FGF14: variants seen among roughly 807,000 people sequenced by gnomAD.
The protein encoded by FGF14 is fibroblast growth factor 14, also known as fibroblast growth factor homologous factor 4.
FGF14 carries 5 observed loss-of-function variants against 25.5 expected under a neutral mutation model. The ratio of observed to expected loss-of-function variants is 0.20; its 90% confidence interval spans 0.10 to 0.41. The LOEUF (loss-of-function observed/expected upper bound fraction) is 0.41, where lower values mean the gene tolerates loss of function less well. FGF14 is among the 10% of genes least tolerant of loss of function. The probability of loss-of-function intolerance (pLI) is 1.00; values close to 1 mark genes in which losing one functional copy is unlikely to be tolerated. For synonymous variants in FGF14, 138 were observed against 118.3 expected, an observed-to-expected ratio of 1.17 and a Z score of -1.08; for missense variants, 222 against 320.1, an observed-to-expected ratio of 0.69 and a Z score of 2.34.
intron 1 of FGF14, among the ~76,000 whole-genome samples, chr13:102,135,306 C>T (rs1277601532): frequency 1.3e-5 from 2 of 152,090 alleles, no homozygotes; most frequent in African/African-American, 4.8e-5. Flanking sequence ...AGCATTGTCT[C>T]CTCTTCAAAG....
chr13:101,886,537 C>T (rs2045996782), intron 1 of FGF14, among the ~76,000 whole-genome samples: 1 of 152,110 alleles, frequency 6.6e-6, no homozygotes, highest in South Asian at 2.1e-4. Flanking sequence ...AAAAAATCAA[C>T]TGAAAATGTA....
At chr13:101,963,274 C>T (rs1433471941) in intron 1 of FGF14, among the ~76,000 whole-genome samples, 3 of 152,222 alleles carry the variant, frequency 2.0e-5, no homozygotes, top group Non-Finnish European at 4.4e-5. Context: ...TTAATTCCCC[C>T]ATTTTATTTA....
Position 101,774,968 on chromosome 13 carries a change from T to C in FGF14, c.409-48158A>G, listed in dbSNP as rs1335891896. On this transcript the variant is annotated intron_variant, in intron 3 of 4. Coordinates refer to ENST00000376143, the MANE Select transcript of FGF14 (RefSeq NM_004115.4). ...TGGGCAACACGAATGAAACTCCATC[T>C]CAAAAAAAAAAAAAAAAAAGGATTG... is the stretch of plus-strand genomic sequence containing the variant. Among the ~76,000 whole-genome samples the C allele has an allele frequency of 1.6e-4, 17 of 105,138 alleles. No individual in the cohort carries two copies. The East Asian group carries it at 3.7e-3, about 23-fold the overall frequency. The allele number at this position is 105,138 out of a possible 152,430, so 69.0% of individuals were successfully genotyped here. A position where few individuals can be genotyped will look rare whatever the true frequency, so the allele number is the denominator to read the frequency against.
chr13:101,998,445 G>C (rs997416941), intron 1 of FGF14, among the ~76,000 whole-genome samples: 65 of 152,052 alleles, frequency 4.3e-4, no homozygotes, highest in Non-Finnish European at 6.8e-4. Flanking sequence ...GAGAGAATGG[G>C]GTGCTATTAA....
intron 1 of FGF14, among the ~76,000 whole-genome samples, chr13:102,382,870 C>T (rs1405652929): frequency 2.0e-5 from 3 of 152,014 alleles, no homozygotes; most frequent in African/African-American, 7.2e-5. Context: ...TGAATGATTC[C>T]ATTCTTATGA....
intron 3 of FGF14, among the ~76,000 whole-genome samples, chr13:101,744,422 C>A (rs940450354): frequency 6.6e-6 from 1 of 152,040 alleles, no homozygotes; most frequent in Non-Finnish European, 1.5e-5. Context: ...AATCACTATT[C>A]ATCTTATTTT....
At chr13:102,247,385 G>GA (rs1007290840) in intron 1 of FGF14, among the ~76,000 whole-genome samples, 34 of 149,820 alleles carry the variant, frequency 2.3e-4, no homozygotes, top group African/African-American at 7.1e-4. Flanking sequence ...AAATTTACAA[G>GA]AAAAAAAAAT....
At chr13:102,376,959 G>C (rs1421487375) in intron 1 of FGF14, among the ~76,000 whole-genome samples, 1 of 152,182 alleles carries the variant, frequency 6.6e-6, no homozygotes, top group Non-Finnish European at 1.5e-5. Context: ...AGCCTGCAGT[G>C]AGAAATGCGC....
At chr13:101,848,777 T>C (rs576332775) in intron 3 of FGF14, among the ~76,000 whole-genome samples, 1 of 152,080 alleles carries the variant, frequency 6.6e-6, no homozygotes, top group East Asian at 1.9e-4. Flanking sequence ...TACTGACCCT[T>C]GATGAAGGGT....
chr13:102,042,515 T>C (rs2041791517), intron 1 of FGF14, among the ~76,000 whole-genome samples: 1 of 152,136 alleles, frequency 6.6e-6, no homozygotes, highest in African/African-American at 2.4e-5. Flanking sequence ...TTTTATTCAG[T>C]AATATATCCT....
At chr13:101,815,327 A>C (rs959249421) in intron 3 of FGF14, among the ~76,000 whole-genome samples, 1 of 152,150 alleles carries the variant, frequency 6.6e-6, no homozygotes, top group Non-Finnish European at 1.5e-5. Context: ...TGTTAAGATG[A>C]AAGGCTTACT....
chr13:101,848,746 C>T (rs544381826), intron 3 of FGF14, among the ~76,000 whole-genome samples: 91 of 151,902 alleles, frequency 6.0e-4, no homozygotes, highest in Non-Finnish European at 1.0e-3. Context: ...TATTTGTAAA[C>T]GTGGCAAAAC....
At chr13:101,809,892 C>T (rs1232966836) in intron 3 of FGF14, among the ~76,000 whole-genome samples, 1 of 151,826 alleles carries the variant, frequency 6.6e-6, no homozygotes, top group African/African-American at 2.4e-5. Flanking sequence ...GAGGAAGAGA[C>T]CCCCCAAGGT....
rs560818607 is a variant in FGF14 at position 101,945,606 on chromosome 13, C to T, written c.209-70310G>A. ...AACTCTTGTGTCTGCTACTGCCCTC[C>T]CATGGTCACCCCATATTACAAACAC... On this transcript the variant is annotated intron_variant, in intron 1 of 4. Transcript: ENST00000376131. 2.0e-5 allele frequency among the ~76,000 whole-genome samples: 3 copies of T among 152,234 alleles called. No individual in the cohort carries two copies. The East Asian group carries it at 5.8e-4, about 30-fold the overall frequency.
chr13:101,853,202 C>A (rs1421882236), intron 3 of FGF14, among the ~76,000 whole-genome samples: 1 of 151,994 alleles, frequency 6.6e-6, no homozygotes, highest in Non-Finnish European at 1.5e-5. Context: ...GGCCCGCCAC[C>A]TTGTTTCTCT....
At chr13:101,765,340 C>A (rs181530903) in intron 3 of FGF14, among the ~76,000 whole-genome samples, 11 of 152,272 alleles carry the variant, frequency 7.2e-5, no homozygotes, top group Admixed American at 3.9e-4. Flanking sequence ...TCAATGCAGA[C>A]CCTTGCTTGG....
intron 1 of FGF14, among the ~76,000 whole-genome samples, chr13:101,928,784 C>A (rs2034547750): frequency 6.6e-6 from 1 of 152,160 alleles, no homozygotes. Flanking sequence ...CTCAGAAGGC[C>A]TTGGCTACAA....
At chr13:102,232,639 C>G (rs911214902) in intron 1 of FGF14, among the ~76,000 whole-genome samples, 10 of 152,276 alleles carry the variant, frequency 6.6e-5, no homozygotes, top group Admixed American at 6.5e-4. Context: ...CAATTATGAT[C>G]TTCTCTTGAT....
chr13:101,871,785 T>C (rs779131428), intron 2 of FGF14, among the ~76,000 whole-genome samples: 1 of 152,096 alleles, frequency 6.6e-6, no homozygotes, highest in African/African-American at 2.4e-5. Flanking sequence ...TGAGGTTACC[T>C]AGGTGCTCAC....
Sources: allele counts gnomAD v4.1 joint callset (sites outside exome capture counted in the v4.1 genomes callset), GRCh38; gene constraint gnomAD v4.1.1; transcripts MANE v1.5; gene names NCBI Gene and HGNC (gene_info 2026-07-23, HGNC 2026-07-21).